The following TRPM3 variants were observed in gnomAD, a reference collection of about 807,000 sequenced individuals.
The protein encoded by TRPM3 is transient receptor potential cation channel subfamily M member 3.
A neutral mutation model predicts 181.2 loss-of-function variants in TRPM3; 77 were observed. The ratio of observed to expected loss-of-function variants is 0.42; its 90% CI spans 0.35 to 0.51. The LOEUF is 0.51. Ranked by LOEUF, TRPM3 falls within the 20% of genes least tolerant of loss-of-function variation. TRPM3 has a pLI of 0.01. For missense variants in TRPM3, 1,759 were observed against 2,196.7 expected (o/e 0.80, Z 3.98); for synonymous variants, 745 against 796.4 (o/e 0.94, Z 1.09).
chr9:70,579,975 A>T (rs921335646), intron 22 of TRPM3, among the ~76,000 whole-genome samples: 2 of 151,896 alleles, frequency 1.3e-5, no homozygotes, highest in African/African-American at 4.8e-5. Flanking sequence ...CCCCATTTCA[A>T]CGCCCCTTCC....
intron 1 of TRPM3, chr9:71,446,590 G>T: frequency 6.7e-7 from 1 of 1,501,194 alleles, no homozygotes; most frequent in Non-Finnish European, 9.0e-7. Flanking sequence ...CATGGAAAGG[G>T]CTCAAGTCGC....
At chr9:70,973,333 C>A (rs915589336) in intron 1 of TRPM3, among the ~76,000 whole-genome samples, 1 of 152,184 alleles carries the variant, frequency 6.6e-6, no homozygotes, top group African/African-American at 2.4e-5. Context: ...TCACTTGTGA[C>A]TGCATTTAAT....
chr9:70,586,074 T>C (rs887942873), intron 22 of TRPM3, among the ~76,000 whole-genome samples: 1 of 152,170 alleles, frequency 6.6e-6, no homozygotes, highest in African/African-American at 2.4e-5. Context: ...TCAGCTCATA[T>C]CGAGCGGCTC....
chr9:71,191,794 A>AC, intron 1 of TRPM3, among the ~76,000 whole-genome samples: 1 of 115,816 alleles, frequency 8.6e-6, no homozygotes, highest in Non-Finnish European at 1.9e-5. Context: ...GAACATATAA[A>AC]AAAAAAAAAA....
rs114467996 is a variant in TRPM3, at chr9:70,918,760, A to G, written c.178-54249T>C. Among the ~76,000 whole-genome samples the G allele has an allele frequency of 7.1e-3, 1,078 of 152,328 alleles. 18 individuals are homozygous for G. Among genetic ancestry groups the G allele is most frequent in the African/African-American group, 0.025 (1,036 of 41,580 alleles). On this transcript the variant is annotated intron_variant, in intron 1 of 25. Coordinates refer to ENST00000677713, the MANE Select transcript of TRPM3 (RefSeq NM_001366145.2). ...CAAAATTAGTAGAAGAAAAGAAATAATAAAGATCAGAGCAGAAATAACTGA... is the reference window on the plus strand; with the variant it reads ...CAAAATTAGTAGAAGAAAAGAAATAGTAAAGATCAGAGCAGAAATAACTGA...
chr9:71,201,059 G>A (rs1331073696), intron 1 of TRPM3, among the ~76,000 whole-genome samples: 12 of 152,054 alleles, frequency 7.9e-5, no homozygotes, highest in Middle Eastern at 3.4e-3. Flanking sequence ...GCTCTTTTAG[G>A]GCAGGCCTGG....
At chr9:71,152,047 C>T (rs190881324) in intron 1 of TRPM3, among the ~76,000 whole-genome samples, 13 of 151,936 alleles carry the variant, frequency 8.6e-5, no homozygotes, top group Non-Finnish European at 1.5e-4. Flanking sequence ...ATGTCATGGC[C>T]GATTTTATGA....
intron 1 of TRPM3, among the ~76,000 whole-genome samples, chr9:71,306,845 C>T (rs1179274270): frequency 6.6e-6 from 1 of 152,132 alleles, no homozygotes; most frequent in Non-Finnish European, 1.5e-5. Flanking sequence ...TGCACTCCAG[C>T]CTGGTGACAG....
At chr9:71,388,247 CAA>C (rs1018265850) in intron 1 of TRPM3, among the ~76,000 whole-genome samples, 2 of 151,844 alleles carry the variant, frequency 1.3e-5, no homozygotes, top group Admixed American at 1.3e-4. Flanking sequence ...CATAGACACA[CAA>C]AGTTTAGAAG....
At chr9:70,854,174 T>C (rs769676875) in intron 3 of TRPM3, among the ~76,000 whole-genome samples, 3 of 152,172 alleles carry the variant, frequency 2.0e-5, no homozygotes, top group Non-Finnish European at 4.4e-5. Context: ...CACTTGTGAG[T>C]CTATTAATTG....
intron 1 of TRPM3, among the ~76,000 whole-genome samples, chr9:71,392,743 C>T (rs901468897): frequency 6.6e-6 from 1 of 152,070 alleles, no homozygotes; most frequent in Admixed American, 6.6e-5. Context: ...TCCTGCTATA[C>T]TGTGAGTTTC....
At chr9:70,748,441 C>T (rs114663610) in intron 8 of TRPM3, among the ~76,000 whole-genome samples, 1 of 152,146 alleles carries the variant, frequency 6.6e-6, no homozygotes, top group African/African-American at 2.4e-5. Context: ...CCTCAAAGTA[C>T]TTCTTCTCCA....
At chr9:70,590,793 T>C (rs1189017798) in intron 22 of TRPM3, among the ~76,000 whole-genome samples, 2 of 152,220 alleles carry the variant, frequency 1.3e-5, no homozygotes, top group African/African-American at 4.8e-5. Flanking sequence ...AAATTTGGTA[T>C]ACCAGATGTC....
chr9:70,924,161 A>T (rs907467379), intron 1 of TRPM3, among the ~76,000 whole-genome samples: 1 of 152,016 alleles, frequency 6.6e-6, no homozygotes, highest in African/African-American at 2.4e-5. Flanking sequence ...GAGGCCAGAG[A>T]TGCTGCTAAA....
chr9:71,206,997 T>C lies in TRPM3; in HGVS notation c.183+239656A>G, dbSNP rs907859707. Among the ~76,000 whole-genome samples the C allele has an allele frequency of 3.3e-5, 5 of 152,004 alleles. No homozygotes were observed. The East Asian group carries it at 5.8e-4, about 18-fold the overall frequency. On this transcript the variant is annotated intron_variant, in intron 1 of 24. Coordinates refer to the TRPM3 transcript ENST00000357533. ...CATGGGATGTTCTCTTTATCAGTAG[T>C]TGAGTTGGGTACAGAAGCTAAGCAA...
At chr9:71,351,606 T>C (rs950696144) in intron 1 of TRPM3, among the ~76,000 whole-genome samples, 1 of 152,200 alleles carries the variant, frequency 6.6e-6, no homozygotes, top group African/African-American at 2.4e-5. Context: ...ATGAATGTAG[T>C]AGTAATATAT....
chr9:71,402,379 G>A (rs780384548), intron 1 of TRPM3, among the ~76,000 whole-genome samples: 10 of 152,208 alleles, frequency 6.6e-5, no homozygotes, highest in Non-Finnish European at 1.3e-4. Context: ...AAGTCTCCTC[G>A]AGATAAATTC....
chr9:70,974,018 A>G (rs186986852), intron 1 of TRPM3, among the ~76,000 whole-genome samples: 25 of 152,318 alleles, frequency 1.6e-4, no homozygotes, highest in Admixed American at 3.9e-4. Flanking sequence ...TACATAAATG[A>G]AAAGGAATTA....
At position 70,609,458 on chromosome 9, in the gene TRPM3, A is replaced by G. The variant is rs1483719887; in HGVS notation, c.2667+1151T>C. ...TAATATCCTATCTTTTCTCAAGACCACACTTTAAAGTGGTAGTTTCCGAAT... is the reference window on the plus strand; with the variant it reads ...TAATATCCTATCTTTTCTCAAGACCGCACTTTAAAGTGGTAGTTTCCGAAT... On this transcript the variant is annotated intron_variant, in intron 19 of 25. Transcript: ENST00000677713. Among the ~76,000 whole-genome samples, 3 of 152,190 alleles carry G rather than the reference A, an allele frequency of 2.0e-5. No homozygotes were observed. The East Asian group carries it at 5.8e-4, about 29-fold the overall frequency.
Sources: gnomAD v4.1 joint callset for allele counts (sites outside exome capture counted in the v4.1 genomes callset) on GRCh38, gnomAD v4.1.1 for gene constraint, MANE v1.5 for transcripts, NCBI Gene and HGNC (gene_info 2026-07-23, HGNC 2026-07-21) for gene names.